The following RNF180 variants were observed in gnomAD, a reference collection of about 807,000 sequenced individuals.
The protein encoded by RNF180 is ring finger protein 180.
A neutral mutation model predicts 59.2 loss-of-function variants in RNF180; 38 were observed. The ratio of observed to expected loss-of-function variants is 0.64; its 90% confidence interval spans 0.50 to 0.84. The LOEUF is 0.84. Among genes scored for constraint, RNF180 ranks in the 40% least tolerant of loss-of-function variants. The pLI is 0.00. For missense variants in RNF180, 705 were observed against 700.9 expected (o/e 1.01, Z -0.07); for synonymous variants, 262 against 240.3 (o/e 1.09, Z -0.84).
At position 64,213,951 on chromosome 5, in the gene RNF180, C is replaced by CT; in HGVS notation, c.630dup (p.Val211CysfsTer16). On this transcript the variant is annotated frameshift_variant, in exon 4 of 8. Transcript: ENST00000389100. LOFTEE classifies it high-confidence loss of function. ...CAAAGCATCAGAACCAAAATACCAG[C>CT]TTTTTGTTCCCCAGCTTGTGACTGG... 6.2e-7 allele frequency: 1 copy of CT among 1,614,024 alleles called. No homozygotes were observed. Among genetic ancestry groups the CT allele is most frequent in the South Asian group, 1.1e-5 (1 of 91,082 alleles).
chr5:64,295,598 A>G (rs1291299764), intron 5 of RNF180, among the ~76,000 whole-genome samples: 1 of 152,142 alleles, frequency 6.6e-6, no homozygotes, highest in Non-Finnish European at 1.5e-5. Context: ...CTGTCTCCCT[A>G]ACTCCCTTTT....
At chr5:64,177,834 T>C (rs1750342061) in intron 1 of RNF180, among the ~76,000 whole-genome samples, 1 of 151,882 alleles carries the variant, frequency 6.6e-6, no homozygotes, top group East Asian at 1.9e-4. Context: ...CTAGCAATAA[T>C]GAGAGTCATT....
intron 5 of RNF180, among the ~76,000 whole-genome samples, chr5:64,291,976 C>T (rs1742613661): frequency 6.6e-6 from 1 of 152,036 alleles, no homozygotes; most frequent in Admixed American, 6.6e-5. Flanking sequence ...TTTTTAGCTC[C>T]ATCAGGTCAG....
chr5:64,326,246 C>G (rs555844426), intron 6 of RNF180, among the ~76,000 whole-genome samples: 10 of 151,808 alleles, frequency 6.6e-5, no homozygotes, highest in African/African-American at 2.4e-4. Flanking sequence ...ATTGCAACAG[C>G]TTTTTATTCT....
Position 64,369,705 on chromosome 5 carries a change from G to A in RNF180, c.1670G>A (p.Arg557His), listed in dbSNP as rs772261600. 35 of 1,547,968 alleles carry A rather than the reference G, an allele frequency of 2.3e-5. No individual in the cohort carries two copies. The highest frequency in any genetic ancestry group is 2.7e-5 in the African/African-American group (2 of 72,774). ...TACCTGCACTTTGAGGATGATAGCCGTGGATGGTGGTTTGACATGGATATG... is the reference window on the plus strand; with the variant it reads ...TACCTGCACTTTGAGGATGATAGCCATGGATGGTGGTTTGACATGGATATG... ...MDYLHFEDDS[R>H]GWWFDMDMVI... The change falls in exon 8 of 8, where the codon CGT becomes CAT. Residue 557 changes from arginine (R) to histidine (H), a missense_variant. By Grantham distance (29) the Arg-to-His change is conservative. Transcript: ENST00000389100.
chr5:64,168,615 T>A (rs1036849564), intron 1 of RNF180, among the ~76,000 whole-genome samples: 2 of 152,220 alleles, frequency 1.3e-5, no homozygotes, highest in African/African-American at 4.8e-5. Context: ...TGGGAGTGTA[T>A]TTCATAGAGA....
chr5:64,330,338 G>C lies in RNF180; in HGVS notation c.1511G>C (p.Ser504Thr). 6.5e-7 allele frequency: 1 copy of C among 1,541,212 alleles called. No homozygotes were observed. Among genetic ancestry groups the C allele is most frequent in the East Asian group, 2.5e-5 (1 of 40,770 alleles). The change falls in exon 7 of 8, where the codon AGC becomes ACC. Residue 504 changes from serine (S) to threonine (T), a missense_variant. Ser to Thr is a moderately conservative substitution (Grantham distance 58). Transcript: ENST00000389100. The stretch of plus-strand genomic sequence containing the variant: ...AAAGAATATTTGAAAATAAAACAAA[G>C]CTTTCAGAAATCCAACTCTGCAAAA... ...FTKEYLKIKQ[S>T]FQKSNSAKWP...
chr5:64,203,232 A>C (rs1368527845), intron 2 of RNF180, among the ~76,000 whole-genome samples: 1 of 152,222 alleles, frequency 6.6e-6, no homozygotes, highest in East Asian at 1.9e-4. Context: ...TGATCTGAGG[A>C]GTACTCTAAC....
intron 5 of RNF180, among the ~76,000 whole-genome samples, chr5:64,302,775 A>G (rs1299947045): frequency 6.6e-6 from 1 of 151,626 alleles, no homozygotes; most frequent in Non-Finnish European, 1.5e-5. Flanking sequence ...CCCCTGATCT[A>G]CTTTTGTCCA....
At chr5:64,172,212 T>A (rs1749975638) in intron 1 of RNF180, among the ~76,000 whole-genome samples, 1 of 152,186 alleles carries the variant, frequency 6.6e-6, no homozygotes, top group South Asian at 2.1e-4. Context: ...ACAGACTGAT[T>A]TTTAGGTAAA....
At chr5:64,202,221 T>A (rs1293011467) in intron 2 of RNF180, among the ~76,000 whole-genome samples, 2 of 152,214 alleles carry the variant, frequency 1.3e-5, no homozygotes, top group African/African-American at 4.8e-5. Context: ...GTTTGCTTGT[T>A]CTTTACATTC....
chr5:64,183,441 CT>C (rs367772828), intron 1 of RNF180, among the ~76,000 whole-genome samples: 1,135 of 89,776 alleles, frequency 0.013, 1 homozygote, highest in African/African-American at 0.034. Flanking sequence ...GAAAGTATAC[CT>C]TTTTTTTTTT....
chr5:64,258,459 A>G (rs1011541914), intron 5 of RNF180, among the ~76,000 whole-genome samples: 1 of 152,158 alleles, frequency 6.6e-6, no homozygotes, highest in Non-Finnish European at 1.5e-5. Flanking sequence ...GACAAATTTG[A>G]GAGAGACTGA....
At chr5:64,240,246 A>G (rs1403576989) in intron 5 of RNF180, among the ~76,000 whole-genome samples, 2 of 152,196 alleles carry the variant, frequency 1.3e-5, no homozygotes, top group East Asian at 3.8e-4. Flanking sequence ...CCTATTAACC[A>G]TATCTTCTTT....
intron 7 of RNF180, among the ~76,000 whole-genome samples, chr5:64,358,880 C>T (rs1309332444): frequency 4.0e-5 from 6 of 150,392 alleles, no homozygotes; most frequent in Admixed American, 6.7e-5. Flanking sequence ...TGAGAATATG[C>T]GGTGTCTGGT....
At chr5:64,211,127 G>C (rs1191700762) in intron 2 of RNF180, among the ~76,000 whole-genome samples, 3 of 152,150 alleles carry the variant, frequency 2.0e-5, no homozygotes, top group African/African-American at 7.2e-5. Flanking sequence ...TTTCAGACCA[G>C]CTGGTGTTAA....
chr5:64,185,687 A>G (rs894990509), intron 1 of RNF180, among the ~76,000 whole-genome samples: 2 of 152,216 alleles, frequency 1.3e-5, no homozygotes, highest in African/African-American at 4.8e-5. Flanking sequence ...AATTCATTTC[A>G]GCAACATATA....
intron 5 of RNF180, among the ~76,000 whole-genome samples, chr5:64,302,228 A>G (rs72752845): frequency 0.092 from 14,001 of 151,660 alleles, 767 homozygotes; most frequent in South Asian, 0.17. Flanking sequence ...CAATTTAGAA[A>G]GGGAAAATTG....
intron 5 of RNF180, among the ~76,000 whole-genome samples, chr5:64,229,979 T>C (rs1356586320): frequency 6.6e-6 from 1 of 152,370 alleles, no homozygotes; most frequent in East Asian, 1.9e-4. Context: ...TCACTAATTA[T>C]ACCTTTTTTT....
Sources: gnomAD v4.1 joint callset for allele counts (sites outside exome capture counted in the v4.1 genomes callset) on GRCh38, gnomAD v4.1.1 for gene constraint, MANE v1.5 for transcripts, NCBI Gene and HGNC (gene_info 2026-07-23, HGNC 2026-07-21) for gene names.